CRTC3: variants seen among roughly 807,000 people sequenced by gnomAD.
CRTC3 encodes CREB-regulated transcription coactivator 3.
In CRTC3, 26 loss-of-function variants were observed where a neutral mutation model predicts 74.5. The ratio of observed to expected loss-of-function variants is 0.35; its 90% confidence interval spans 0.26 to 0.48. The LOEUF is 0.48. Among genes scored for constraint, CRTC3 ranks in the 20% least tolerant of loss-of-function variants. CRTC3 has a pLI of 0.99. For missense variants in CRTC3, 760 were observed against 787.3 expected (o/e 0.97, Z 0.41); for synonymous variants, 377 against 325.8 (o/e 1.16, Z -1.69).
At chr15:90,608,127 G>A (rs1442144643) in intron 6 of CRTC3, among the ~76,000 whole-genome samples, 1 of 152,150 alleles carries the variant, frequency 6.6e-6, no homozygotes, top group Non-Finnish European at 1.5e-5. Flanking sequence ...CACCTGCTCA[G>A]TTGCCCCCTG....
intron 2 of CRTC3, among the ~76,000 whole-genome samples, chr15:90,571,694 C>T (rs975715020): frequency 6.6e-6 from 1 of 152,146 alleles, no homozygotes; most frequent in African/African-American, 2.4e-5. Context: ...AAAGTCTCCC[C>T]TTCTCTACTT....
intron 2 of CRTC3, among the ~76,000 whole-genome samples, chr15:90,568,705 A>G (rs2151068763): frequency 1.3e-5 from 2 of 152,280 alleles, no homozygotes; most frequent in South Asian, 4.1e-4. Context: ...GGTACAGAGA[A>G]ATCTTTTGTG....
At chr15:90,574,450 C>G (rs1432950746) in intron 2 of CRTC3, among the ~76,000 whole-genome samples, 1 of 152,104 alleles carries the variant, frequency 6.6e-6, no homozygotes, top group Non-Finnish European at 1.5e-5. Context: ...TGTACTCTAG[C>G]CTGGTGACAG....
Position 90,641,142 on chromosome 15 carries a change from C to T in CRTC3, c.1594C>T (p.His532Tyr). 6.2e-7 allele frequency: 1 copy of T among 1,614,130 alleles called. No individual in the cohort carries two copies. The highest frequency in any genetic ancestry group is 8.5e-7 in the Non-Finnish European group (1 of 1,179,994). ...QGSRELQDSFHLRPSPYSNCG... is the reference protein window; with the variant it reads ...QGSRELQDSFYLRPSPYSNCG... ...TTCCCGAGAACTGCAGGACTCTTTTCATTTGAGACCAAGCCCGTATTCCAA... is the reference window on the plus strand; with the variant it reads ...TTCCCGAGAACTGCAGGACTCTTTTTATTTGAGACCAAGCCCGTATTCCAA... The change falls in exon 14 of 15, where the codon CAT (histidine) becomes TAT (tyrosine). Residue 532 changes from histidine (H) to tyrosine (Y), a missense_variant. By Grantham distance (83) the His-to-Tyr change is moderately conservative. Coordinates refer to ENST00000268184, the MANE Select transcript of CRTC3 (RefSeq NM_022769.5).
intron 2 of CRTC3, among the ~76,000 whole-genome samples, chr15:90,563,298 CGGGAGGCTGA>C (rs1432850389): frequency 6.6e-6 from 1 of 151,810 alleles, no homozygotes; most frequent in Admixed American, 6.6e-5. Flanking sequence ...CCCAGCTACT[CGGGAGGCTGA>C]GGCAGGAGAG....
intron 2 of CRTC3, among the ~76,000 whole-genome samples, chr15:90,578,718 G>A (rs771488762): frequency 6.6e-6 from 1 of 152,220 alleles, no homozygotes; most frequent in Non-Finnish European, 1.5e-5. Flanking sequence ...GGTATCGATT[G>A]TGAGGTGGGA....
In CRTC3 at chr15:90,645,103, C is replaced by G. The variant is rs75247124; in HGVS notation, c.*2963C>G. 1 of 230,494 alleles carries G rather than the reference C, an allele frequency of 4.3e-6. No homozygotes were observed. Among genetic ancestry groups the G allele is most frequent in the Non-Finnish European group, 8.6e-6 (1 of 116,264 alleles). 14.3% of individuals were successfully genotyped at this position (230,494 alleles called of 1,614,324 possible). On this transcript the variant is annotated 3_prime_UTR_variant, in exon 15 of 15. Coordinates refer to ENST00000268184, the MANE Select transcript of CRTC3 (RefSeq NM_022769.5). ...TCCATATGCGTATTTGCAGACCTTT[C>G]CTGTTCCCACTCTTGTTGGCTCTTC... is the stretch of plus-strand genomic sequence containing the variant.
chr15:90,578,642 A>G (rs905196953), intron 2 of CRTC3, among the ~76,000 whole-genome samples: 1 of 152,226 alleles, frequency 6.6e-6, no homozygotes, highest in African/African-American at 2.4e-5. Context: ...CAGCAGTAAT[A>G]TGTATTCTTA....
At chr15:90,538,924 C>T (rs1024896611) in intron 1 of CRTC3, among the ~76,000 whole-genome samples, 7 of 152,240 alleles carry the variant, frequency 4.6e-5, no homozygotes, top group African/African-American at 9.6e-5. Flanking sequence ...ACTGAACTTC[C>T]GAGTCTGGGT....
At position 90,630,756 on chromosome 15, in the gene CRTC3, ATTTTTTTTTTTTT is replaced by A. The variant is rs1175467073; in HGVS notation, c.1266+1244_1266+1256del. 2.5e-4 allele frequency among the ~76,000 whole-genome samples: 6 copies of A among 23,630 alleles called. 1 individual carries two copies. The highest frequency in any genetic ancestry group is 4.3e-4 in the African/African-American group (4 of 9,398). The allele number at this position is 23,630 out of a possible 152,430, so 15.5% of individuals were successfully genotyped here. On this transcript the variant is annotated intron_variant, in intron 11 of 14. Transcript: ENST00000268184. Reference sequence around the variant, plus strand: ...CACATCCTCTGTCTATTACAGCATCATTTTTTTTTTTTTTTTTTTTTTTTTTTTTTTTGAGACG... The same window carrying A: ...CACATCCTCTGTCTATTACAGCATCATTTTTTTTTTTTTTTTTTTGAGACG...
At chr15:90,579,607 A>G (rs1967487152) in intron 2 of CRTC3, among the ~76,000 whole-genome samples, 1 of 148,504 alleles carries the variant, frequency 6.7e-6, no homozygotes, top group Non-Finnish European at 1.5e-5. Flanking sequence ...ATGTGTCTGA[A>G]TGATTACATG....
At chr15:90,538,555 TTCTG>T (rs1162629992) in intron 1 of CRTC3, among the ~76,000 whole-genome samples, 1 of 152,186 alleles carries the variant, frequency 6.6e-6, no homozygotes. Context: ...TGTCTGAAAT[TTCTG>T]TCAGTGAGGC....
intron 2 of CRTC3, among the ~76,000 whole-genome samples, chr15:90,562,888 G>T (rs1010259741): frequency 6.6e-6 from 1 of 152,062 alleles, no homozygotes; most frequent in Non-Finnish European, 1.5e-5. Context: ...GTGAGAATGG[G>T]GTGGGCCAAC....
rs1473535922 is a variant in CRTC3, at chr15:90,643,316, T to A, written c.*1176T>A. 10 of 231,026 alleles carry A rather than the reference T, an allele frequency of 4.3e-5. No individual in the cohort carries two copies. In the East Asian group the frequency reaches 6.1e-4, roughly 14 times the overall value. The allele number at this position is 231,026 out of a possible 1,614,324, so 14.3% of individuals were successfully genotyped here. A position where few individuals can be genotyped will look rare whatever the true frequency, so the allele number is the denominator to read the frequency against. The stretch of plus-strand genomic sequence containing the variant: ...AGAGCTTTAGCTTTTCTAGCACTCG[T>A]GCCTATGGTGAAGCATGCACTTTAA... On this transcript the variant is annotated 3_prime_UTR_variant, in exon 15 of 15. Transcript: ENST00000268184.
At position 90,643,584 on chromosome 15, in the gene CRTC3, G is replaced by T; in HGVS notation, c.*1444G>T. ...TTTGAGGTTGAAAAAATAGTTTATA[G>T]TAAAACGAAGGCCTAATTCATGGAA... On this transcript the variant is annotated 3_prime_UTR_variant, in exon 15 of 15. Coordinates refer to ENST00000268184, the MANE Select transcript of CRTC3 (RefSeq NM_022769.5). The T allele has an allele frequency of 4.3e-6, 1 of 230,192 alleles. No homozygotes were observed. Among genetic ancestry groups the T allele is most frequent in the Non-Finnish European group, 8.6e-6 (1 of 116,226 alleles). The allele number at this position is 230,192 out of a possible 1,614,324, so 14.3% of individuals were successfully genotyped here. A position where few individuals can be genotyped will look rare whatever the true frequency, so the allele number is the denominator to read the frequency against.
chr15:90,542,105 TTTTTGTTTTG>T (rs1001198701), intron 2 of CRTC3, among the ~76,000 whole-genome samples: 1 of 151,460 alleles, frequency 6.6e-6, no homozygotes, highest in African/African-American at 2.4e-5. Flanking sequence ...TTTCATACTG[TTTTTGTTTTG>T]TTTTGTTTTG....
chr15:90,640,833 G>A (rs1313650593), intron 13 of CRTC3, among the ~76,000 whole-genome samples: 2 of 152,146 alleles, frequency 1.3e-5, no homozygotes, highest in Non-Finnish European at 2.9e-5. Flanking sequence ...ATGAGCATTG[G>A]TGTCTCTTGG....
At chr15:90,588,880 G>A (rs779036997) in intron 2 of CRTC3, among the ~76,000 whole-genome samples, 7 of 152,054 alleles carry the variant, frequency 4.6e-5, no homozygotes, top group East Asian at 1.9e-4. Context: ...CAGCTCTTAT[G>A]TATGTAACAT....
chr15:90,610,616 TTC>T, intron 6 of CRTC3, among the ~76,000 whole-genome samples: 1 of 152,244 alleles, frequency 6.6e-6, no homozygotes, highest in Non-Finnish European at 1.5e-5. Flanking sequence ...TTTTTATAAT[TTC>T]TCTCTTTTTG....
Sources: allele counts gnomAD v4.1 joint callset (sites outside exome capture counted in the v4.1 genomes callset), GRCh38; gene constraint gnomAD v4.1.1; transcripts MANE v1.5; gene names NCBI Gene and HGNC (gene_info 2026-07-23, HGNC 2026-07-21).